SINHCAF: variants seen among roughly 807,000 people sequenced by gnomAD.
SINHCAF encodes the protein SIN3-HDAC complex associated factor.
In SINHCAF, 3 loss-of-function variants were observed where a neutral mutation model predicts 25.8. The ratio of observed to expected loss-of-function variants is 0.12; its 90% CI spans 0.05 to 0.30. The LOEUF is 0.30. Among genes scored for constraint, SINHCAF ranks in the 10% least tolerant of loss-of-function variants. The probability of loss-of-function intolerance (pLI) is 1.00; values close to 1 mark genes in which losing one functional copy is unlikely to be tolerated. For synonymous variants in SINHCAF, 70 were observed against 85.5 expected (o/e 0.82, Z 1.00); for missense variants, 121 against 262.3 (o/e 0.46, Z 3.72).
chr12:31,309,127 C>CAAAAAAA (rs757095598), intron 1 of SINHCAF, among the ~76,000 whole-genome samples: 1 of 75,418 alleles, frequency 1.3e-5, no homozygotes, highest in Non-Finnish European at 2.6e-5. Flanking sequence ...GATTCTGTCT[C>CAAAAAAA]AAAAAAAAAA....
chr12:31,313,190 A>ATT (rs545809496), intron 1 of SINHCAF, among the ~76,000 whole-genome samples: 8 of 147,644 alleles, frequency 5.4e-5, no homozygotes, highest in African/African-American at 2.0e-4. Context: ...ACGCCCAGCT[A>ATT]TTTTTTTTTT....
In SINHCAF at chr12:31,325,336, T is replaced by C; in HGVS notation, c.-21+688A>G. ...GGGCTGTTTTTAAGCGACCGCGTGT[T>C]GCTCTCATTGTCGCATCCGCATCCC... On this transcript the variant is annotated intron_variant, in intron 1 of 5. Coordinates refer to ENST00000337682, the MANE Select transcript of SINHCAF (RefSeq NM_001135812.2). The surrounding 1 kb of genome is among the most constrained non-coding windows in gnomAD (Gnocchi z 5.9). 1 of 422,496 alleles carries C rather than the reference T, an allele frequency of 2.4e-6. No homozygotes were observed. Among genetic ancestry groups the C allele is most frequent in the Non-Finnish European group, 4.7e-6 (1 of 210,636 alleles). The allele number at this position is 422,496 out of a possible 1,614,324, so 26.2% of individuals were successfully genotyped here. A position where few individuals can be genotyped will look rare whatever the true frequency, so the allele number is the denominator to read the frequency against.
intron 1 of SINHCAF, among the ~76,000 whole-genome samples, chr12:31,322,414 G>A (rs77202590): frequency 2.6e-5 from 4 of 152,168 alleles, no homozygotes; most frequent in African/African-American, 7.2e-5. Context: ...AAATAGCTGC[G>A]AAAGGAAAGC....
At chr12:31,287,550 G>A (rs1447849099) in intron 5 of SINHCAF, 84 bp downstream of exon 5, 32 of 1,079,222 alleles carry the variant, frequency 3.0e-5, no homozygotes, top group Non-Finnish European at 4.2e-5. Flanking sequence ...TTTGCCAAAT[G>A]CCATTTAATT....
At chr12:31,321,031 C>T (rs1939676066) in intron 1 of SINHCAF, among the ~76,000 whole-genome samples, 1 of 152,160 alleles carries the variant, frequency 6.6e-6, no homozygotes, top group Non-Finnish European at 1.5e-5. Flanking sequence ...CAGCGGTGTA[C>T]CTGTGACATT....
At chr12:31,298,406 T>C in intron 1 of SINHCAF, 182 bp from the exon 2 acceptor site, 1 of 590,570 alleles carries the variant, frequency 1.7e-6, no homozygotes. Flanking sequence ...GGCAAGCGTA[T>C]AAAACACAAA....
chr12:31,284,211 T>C (rs1052637323), intron 5 of SINHCAF, among the ~76,000 whole-genome samples: 38 of 152,334 alleles, frequency 2.5e-4, no homozygotes, highest in South Asian at 4.1e-4. Flanking sequence ...CATTTGGTAA[T>C]AGACTTTATT....
At chr12:31,307,075 G>T (rs372159096) in intron 1 of SINHCAF, among the ~76,000 whole-genome samples, 3 of 152,258 alleles carry the variant, frequency 2.0e-5, no homozygotes, top group African/African-American at 7.2e-5. Context: ...TCAGGATGAA[G>T]TAATGAGAGG....
intron 5 of SINHCAF, 129 bp from the exon 6 acceptor site, chr12:31,283,000 C>A (rs1471279702): frequency 3.1e-6 from 2 of 652,318 alleles, no homozygotes; most frequent in Non-Finnish European, 4.8e-6. Flanking sequence ...TTGCACATTC[C>A]AAGTGAAAGG....
In SINHCAF at chr12:31,316,831, A is replaced by G. The variant is rs75630250; in HGVS notation, c.-21+9193T>C. On this transcript the variant is annotated intron_variant, in intron 1 of 5. Transcript: ENST00000337682. ...TTTAGTACCCTTTTTAATATGGAAT[A>G]GGAGACAGAGAAAAGGTGATGAATT... Among the ~76,000 whole-genome samples, 440 of 152,338 alleles carry G rather than the reference A, an allele frequency of 2.9e-3. 9 individuals are homozygous for G. In the East Asian group the frequency reaches 0.051, roughly 18 times the overall value.
chr12:31,311,897 T>C, intron 1 of SINHCAF: 1 of 525,756 alleles, frequency 1.9e-6, no homozygotes, highest in Admixed American at 2.2e-5. Flanking sequence ...CCACCAGCTA[T>C]TTCCATTTTA....
intron 1 of SINHCAF, chr12:31,304,631 T>C (rs1233554820): frequency 1.3e-5 from 2 of 152,160 alleles, no homozygotes; most frequent in Admixed American, 6.5e-5. Context: ...AAAGTGACAT[T>C]TGGAGGGAAC....
rs541152333 is a variant in SINHCAF at position 31,298,805 on chromosome 12, T to C, written c.-20-581A>G. On this transcript the variant is annotated intron_variant, in intron 1 of 5. Transcript: ENST00000337682. ...GTCAAGTTTGCCCCTGAATTGAAAC[T>C]GCTGAAGGGAAGATGTAAAATTCAC... is the stretch of plus-strand genomic sequence containing the variant. Among the ~76,000 whole-genome samples, 12 of 152,292 alleles carry C rather than the reference T, an allele frequency of 7.9e-5. No homozygotes were observed. In the South Asian group the frequency reaches 2.5e-3, roughly 32 times the overall value.
chr12:31,298,337 A>G (rs1938632302), intron 1 of SINHCAF, 113 bp from the exon 2 acceptor site: 1 of 1,229,942 alleles, frequency 8.1e-7, no homozygotes, highest in Non-Finnish European at 1.2e-6. Flanking sequence ...TATGACCAAG[A>G]CAGGCAGGCA....
chr12:31,299,308 TA>T (rs1337694875), intron 1 of SINHCAF, among the ~76,000 whole-genome samples: 1 of 150,278 alleles, frequency 6.7e-6, no homozygotes, highest in African/African-American at 2.5e-5. Context: ...AAAGCAACAA[TA>T]AAAGAAAAAA....
chr12:31,309,473 T>C lies in SINHCAF; in HGVS notation c.-20-11249A>G, dbSNP rs191662962. 1.4e-4 allele frequency among the ~76,000 whole-genome samples: 21 copies of C among 152,348 alleles called. No individual in the cohort carries two copies. The East Asian group carries it at 3.9e-3, about 28-fold the overall frequency. ...TTGGAGTAGCTGAGAGTATCTTTCC[T>C]ATGCCTATGTTAGACTGGGACCACA... On this transcript the variant is annotated intron_variant, in intron 1 of 5. Transcript: ENST00000337682.
intron 1 of SINHCAF, among the ~76,000 whole-genome samples, chr12:31,320,033 C>T (rs1258243144): frequency 6.6e-6 from 1 of 152,152 alleles, no homozygotes; most frequent in Non-Finnish European, 1.5e-5. Flanking sequence ...CACTTCCATC[C>T]CCACTGCCTG....
rs201937052 is a variant in SINHCAF at position 31,323,069 on chromosome 12, G to GCTCCCCAGCCAA, written c.-21+2954_-21+2955insTTGGCTGGGGAG. 1.2e-3 allele frequency among the ~76,000 whole-genome samples: 189 copies of GCTCCCCAGCCAA among 152,268 alleles called. 1 individual carries two copies. Among genetic ancestry groups the GCTCCCCAGCCAA allele is most frequent in the African/African-American group, 4.4e-3 (184 of 41,564 alleles). Reference sequence around the variant, plus strand: ...TCCTGAGCAGCTTCCTCCCCAGCCAGCTCCCCAGCCTCCTTACAATGTTTC... The same window carrying GCTCCCCAGCCAA: ...TCCTGAGCAGCTTCCTCCCCAGCCAGCTCCCCAGCCAACTCCCCAGCCTCCTTACAATGTTTC... On this transcript the variant is annotated intron_variant, in intron 1 of 5. Coordinates refer to ENST00000337682, the MANE Select transcript of SINHCAF (RefSeq NM_001135812.2).
intron 1 of SINHCAF, chr12:31,311,752 A>G: frequency 2.0e-6 from 1 of 511,880 alleles, no homozygotes; most frequent in Non-Finnish European, 3.8e-6. Flanking sequence ...TCCATACTTG[A>G]ACATTTCTGG....
Sources: gnomAD v4.1 joint callset for allele counts (sites outside exome capture counted in the v4.1 genomes callset) on GRCh38, gnomAD v4.1.1 for gene constraint, Gnocchi (gnomAD v3.1) non-coding constraint, MANE v1.5 for transcripts, NCBI Gene and HGNC (gene_info 2026-07-23, HGNC 2026-07-21) for gene names.